CPNE4: variants seen among roughly 807,000 people sequenced by gnomAD.
The protein encoded by CPNE4 is copine 4.
CPNE4 carries 25 observed loss-of-function variants against 67.9 expected under a neutral mutation model. The ratio of observed to expected loss-of-function variants is 0.37; its 90% CI spans 0.27 to 0.51. The LOEUF is 0.51. CPNE4 is among the 20% of genes least tolerant of loss of function. The pLI is 0.93. For synonymous variants in CPNE4, 242 were observed against 244.9 expected, an observed-to-expected ratio of 0.99 and a Z score of 0.11; for missense variants, 464 against 690.8, an observed-to-expected ratio of 0.67 and a Z score of 3.68.
intron 3 of CPNE4, among the ~76,000 whole-genome samples, chr3:131,720,914 A>G (rs945524195): frequency 2.6e-5 from 4 of 152,160 alleles, no homozygotes; most frequent in African/African-American, 9.7e-5. Context: ...GGCTTTGTGT[A>G]TAATGTTCCC....
intron 2 of CPNE4, among the ~76,000 whole-genome samples, chr3:131,737,797 A>G (rs940269674): frequency 6.6e-6 from 1 of 152,196 alleles, no homozygotes; most frequent in Non-Finnish European, 1.5e-5. Flanking sequence ...TTGTGACAAC[A>G]TCAATGATTT....
intron 1 of CPNE4, among the ~76,000 whole-genome samples, chr3:131,970,800 G>A (rs2072480449): frequency 1.3e-5 from 2 of 152,144 alleles, no homozygotes; most frequent in Admixed American, 1.3e-4. Context: ...AGGGGTTAGT[G>A]GAGGATTGTT....
chr3:131,923,722 A>T (rs1160640689), intron 1 of CPNE4, among the ~76,000 whole-genome samples: 16 of 148,950 alleles, frequency 1.1e-4, no homozygotes, highest in South Asian at 4.2e-4. Flanking sequence ...AAAAAAAAAA[A>T]AAAAAAATTA....
chr3:131,893,848 A>T (rs1268641813), intron 2 of CPNE4, among the ~76,000 whole-genome samples: 1 of 151,962 alleles, frequency 6.6e-6, no homozygotes, highest in Non-Finnish European at 1.5e-5. Context: ...GGTAAGAAAC[A>T]TCAAAAAGGA....
chr3:131,547,489 AAAAAAAAAAAAAC>A lies in CPNE4; in HGVS notation c.1302+2445_1302+2457del, dbSNP rs1559876463. ...AAAAAAAAAAAAAAAAAAAAAAAAA[AAAAAAAAAAAAAC>A]CTAATAGTGTTCATGGCTTCTGAAA... On this transcript the variant is annotated intron_variant, in intron 14 of 15. Coordinates refer to ENST00000429747, the MANE Select transcript of CPNE4 (RefSeq NM_130808.3). Among the ~76,000 whole-genome samples, 36 of 123,060 alleles carry A rather than the reference AAAAAAAAAAAAAC, an allele frequency of 2.9e-4. 1 individual carries two copies. The highest frequency in any genetic ancestry group is 1.0e-3 in the African/African-American group (31 of 30,970). The allele number at this position is 123,060 out of a possible 152,430, so 80.7% of individuals were successfully genotyped here.
intron 2 of CPNE4, among the ~76,000 whole-genome samples, chr3:131,777,958 T>A (rs1046170011): frequency 6.6e-6 from 1 of 152,072 alleles, no homozygotes; most frequent in African/African-American, 2.4e-5. Context: ...CTCACACTGA[T>A]TCTGTATGAT....
chr3:131,922,427 C>T (rs1401345986), intron 1 of CPNE4, among the ~76,000 whole-genome samples: 1 of 152,154 alleles, frequency 6.6e-6, no homozygotes, highest in African/African-American at 2.4e-5. Context: ...ATCATCACTA[C>T]CTCATCCATA....
chr3:131,926,022 TACAC>T (rs2070883619), intron 1 of CPNE4, among the ~76,000 whole-genome samples: 1 of 152,048 alleles, frequency 6.6e-6, no homozygotes, highest in Non-Finnish European at 1.5e-5. Context: ...ACACAACACA[TACAC>T]ACACAATTTA....
In CPNE4 at chr3:131,717,907, TTTC is replaced by T. The variant is rs879687964; in HGVS notation, c.360+5536_360+5538del. Among the ~76,000 whole-genome samples the T allele has an allele frequency of 7.9e-3, 1,060 of 134,450 alleles. 22 individuals carry two copies. Among genetic ancestry groups the T allele is most frequent in the Non-Finnish European group, 0.013 (756 of 59,614 alleles). 88.2% of individuals were successfully genotyped at this position (134,450 alleles called of 152,430 possible). A position where few individuals can be genotyped will look rare whatever the true frequency, so the allele number is the denominator to read the frequency against. On this transcript the variant is annotated intron_variant, in intron 3 of 15. Coordinates refer to ENST00000429747, the MANE Select transcript of CPNE4 (RefSeq NM_130808.3). ...CTTTCTTTCTTTCTTTCTTTCTTTC[TTTC>T]TTTCTTTCTTTCTTTCTTTCTTTCT...
chr3:131,682,314 C>T (rs1024855978), intron 6 of CPNE4, among the ~76,000 whole-genome samples: 3 of 152,100 alleles, frequency 2.0e-5, no homozygotes, highest in Non-Finnish European at 2.9e-5. Flanking sequence ...ATTTGGGTGT[C>T]GTGGTCTGTT....
chr3:131,897,615 G>A (rs981662950), intron 2 of CPNE4, among the ~76,000 whole-genome samples: 3 of 152,002 alleles, frequency 2.0e-5, no homozygotes, highest in African/African-American at 7.2e-5. Context: ...AAAAAAATAG[G>A]CTGGACACAG....
chr3:131,699,531 T>G (rs1167102355), intron 4 of CPNE4, among the ~76,000 whole-genome samples: 1 of 152,156 alleles, frequency 6.6e-6, no homozygotes, highest in African/African-American at 2.4e-5. Flanking sequence ...TCAAAATAAA[T>G]GAGAGACGAG....
intron 1 of CPNE4, among the ~76,000 whole-genome samples, chr3:131,914,793 A>G (rs1188320240): frequency 6.6e-6 from 1 of 152,126 alleles, no homozygotes; most frequent in African/African-American, 2.4e-5. Context: ...CCTGACCAAC[A>G]TGGAAAAACT....
chr3:131,646,700 C>T (rs1019165966), intron 7 of CPNE4, among the ~76,000 whole-genome samples: 2 of 151,972 alleles, frequency 1.3e-5, no homozygotes, highest in African/African-American at 4.8e-5. Context: ...ATCTCATGAA[C>T]CCCATAAATA....
chr3:132,035,000 TTTCCACC>T lies in CPNE4; in HGVS notation c.-442_-436del. 1.0e-6 allele frequency: 1 copy of T among 984,532 alleles called. No individual in the cohort carries two copies. The highest frequency in any genetic ancestry group is 1.8e-5 in the African/African-American group (1 of 56,788). 61.0% of individuals were successfully genotyped at this position (984,532 alleles called of 1,614,324 possible). ...GAGATGGCAGCTTCTCACAGAGAGA[TTTCCACC>T]TTCTGACGAATCCCATGCACCCAGC... On this transcript the variant is annotated 5_prime_UTR_variant, in exon 1 of 16. Coordinates refer to ENST00000429747, the MANE Select transcript of CPNE4 (RefSeq NM_130808.3).
At chr3:132,039,425 G>A (rs958322837), upstream of CPNE4, 2 of 152,200 alleles carry the variant, frequency 1.3e-5, no homozygotes, top group Non-Finnish European at 2.9e-5. Flanking sequence ...GCTGTATTAG[G>A]AGAAAAATAA....
chr3:131,569,653 C>CAA lies in CPNE4; in HGVS notation c.928-5306_928-5305dup, dbSNP rs71133700. Among the ~76,000 whole-genome samples, 102 of 96,374 alleles carry CAA rather than the reference C, an allele frequency of 1.1e-3. 1 individual carries two copies. Among genetic ancestry groups the CAA allele is most frequent in the Non-Finnish European group, 9.8e-4 (40 of 40,622 alleles). The allele number at this position is 96,374 out of a possible 152,430, so 63.2% of individuals were successfully genotyped here. On this transcript the variant is annotated intron_variant, in intron 10 of 15. Coordinates refer to ENST00000429747, the MANE Select transcript of CPNE4 (RefSeq NM_130808.3). ...ACCCTGTTTCAAAAAACAAAAAAAA[C>CAA]AAAAAAAAACAAAAAAAAAAAGAAG...
At chr3:131,844,591 T>C (rs2085924541) in intron 2 of CPNE4, among the ~76,000 whole-genome samples, 1 of 152,180 alleles carries the variant, frequency 6.6e-6, no homozygotes, top group African/African-American at 2.4e-5. Context: ...TTTTCCTCAC[T>C]TCTTTCAAGT....
chr3:131,849,963 G>A (rs1411985314), intron 2 of CPNE4, among the ~76,000 whole-genome samples: 3 of 152,050 alleles, frequency 2.0e-5, no homozygotes, highest in African/African-American at 7.2e-5. Context: ...TAAAAAGCTA[G>A]GAGTATCATA....
Sources: allele counts gnomAD v4.1 joint callset (sites outside exome capture counted in the v4.1 genomes callset), GRCh38; gene constraint gnomAD v4.1.1; transcripts MANE v1.5; gene names NCBI Gene and HGNC (gene_info 2026-07-23, HGNC 2026-07-21).